The following ABI2 variants were observed in gnomAD, a reference collection of about 807,000 sequenced individuals.
ABI2 encodes the protein abelson interactor 2.
Under a neutral mutation model 59.2 loss-of-function variants are expected in ABI2, and 25 were observed. The ratio of observed to expected loss-of-function variants is 0.42; its 90% CI spans 0.31 to 0.59. ABI2 has a LOEUF of 0.59. Ranked by LOEUF, ABI2 falls within the 20% of genes least tolerant of loss-of-function variation. The pLI, the probability that ABI2 is intolerant of heterozygous loss-of-function variation, is 0.14. For missense variants in ABI2, 545 were observed against 681.8 expected, an observed-to-expected ratio of 0.80 and a Z score of 2.23; for synonymous variants, 213 against 235.5, an observed-to-expected ratio of 0.90 and a Z score of 0.87.
intron 1 of ABI2, among the ~76,000 whole-genome samples, chr2:203,359,007 G>A (rs899334764): frequency 2.6e-5 from 4 of 152,100 alleles, no homozygotes; most frequent in Non-Finnish European, 5.9e-5. Flanking sequence ...GTGAGACTCT[G>A]TCTCAAAAAA....
intron 11 of ABI2, 98 bp downstream of exon 11, chr2:203,417,179 G>A: frequency 1.7e-5 from 19 of 1,108,554 alleles, no homozygotes; most frequent in Non-Finnish European, 2.3e-5. Context: ...ACTAAGTGAA[G>A]TTCTATTTAT....
At chr2:203,345,227 A>AAT (rs1445114662) in intron 1 of ABI2, among the ~76,000 whole-genome samples, 1 of 152,172 alleles carries the variant, frequency 6.6e-6, no homozygotes, top group Admixed American at 6.5e-5. Flanking sequence ...GGGAGGAACA[A>AAT]ATAACTCCAG....
chr2:203,341,201 C>A lies in ABI2; in HGVS notation c.117+12570C>A, dbSNP rs183796245. 1.6e-3 allele frequency among the ~76,000 whole-genome samples: 251 copies of A among 152,174 alleles called. 2 individuals are homozygous for A. Among genetic ancestry groups the A allele is most frequent in the Non-Finnish European group, 1.3e-3 (88 of 68,006 alleles). ...CTTTGCTTATACTTATCCTTCCATG[C>A]TTTTTTTACGCCTACATATTTTCTC... On this transcript the variant is annotated intron_variant, in intron 1 of 11. Coordinates refer to ENST00000261018, the MANE Select transcript of ABI2 (RefSeq NM_001375670.1).
intron 9 of ABI2, among the ~76,000 whole-genome samples, chr2:203,409,123 C>T (rs1237992227): frequency 6.6e-6 from 1 of 152,004 alleles, no homozygotes; most frequent in African/African-American, 2.4e-5. Flanking sequence ...CAGGCGTGAG[C>T]CACCGCGCCC....
At chr2:203,334,729 C>T (rs1192771764) in intron 1 of ABI2, among the ~76,000 whole-genome samples, 3 of 151,040 alleles carry the variant, frequency 2.0e-5, no homozygotes, top group African/African-American at 4.9e-5. Context: ...GGTGCGATCT[C>T]AGCTTACTGC....
chr2:203,328,869 G>C, intron 1 of ABI2: 1 of 320,108 alleles, frequency 3.1e-6, no homozygotes, highest in Non-Finnish European at 5.7e-6. Flanking sequence ...CGTGTGTCGC[G>C]TCCCGCCTCC....
At position 203,364,051 on chromosome 2, in the gene ABI2, A is replaced by C. The variant is rs746927743; in HGVS notation, c.118-2826A>C. Among the ~76,000 whole-genome samples the C allele has an allele frequency of 2.0e-5, 3 of 150,780 alleles. No homozygotes were observed. In the South Asian group the frequency reaches 6.3e-4, roughly 31 times the overall value. ...AGTGCTGGAATTATAGGCGTGAGCC[A>C]TGGTACCTGGCCTGTACCATATTTT... On this transcript the variant is annotated intron_variant, in intron 1 of 11. Coordinates refer to ENST00000261018, the MANE Select transcript of ABI2 (RefSeq NM_001375670.1).
At chr2:203,417,814 A>G (rs2097965489) in intron 11 of ABI2, among the ~76,000 whole-genome samples, 2 of 152,210 alleles carry the variant, frequency 1.3e-5, no homozygotes, top group South Asian at 2.1e-4. Flanking sequence ...TTAAAACCCC[A>G]CAAAATAATG....
intron 1 of ABI2, among the ~76,000 whole-genome samples, chr2:203,329,426 G>A (rs904408336): frequency 2.0e-5 from 3 of 150,868 alleles, no homozygotes; most frequent in Non-Finnish European, 3.0e-5. Context: ...ATGGAGGCGG[G>A]GGATACCGGA....
intron 5 of ABI2, among the ~76,000 whole-genome samples, chr2:203,392,407 T>C (rs1393358508): frequency 2.0e-5 from 3 of 148,542 alleles, no homozygotes; most frequent in Non-Finnish European, 4.4e-5. Flanking sequence ...TAGGACCAAA[T>C]GATTTGAGAT....
At chr2:203,343,789 C>A (rs2081487922) in intron 1 of ABI2, among the ~76,000 whole-genome samples, 1 of 152,138 alleles carries the variant, frequency 6.6e-6, no homozygotes, top group South Asian at 2.1e-4. Context: ...TAATCAGGTC[C>A]CCTTTCTCCC....
intron 1 of ABI2, among the ~76,000 whole-genome samples, chr2:203,353,998 T>A (rs1463916437): frequency 2.0e-5 from 3 of 152,228 alleles, no homozygotes; most frequent in Non-Finnish European, 4.4e-5. Flanking sequence ...ATTATATCTA[T>A]ATAAGTAATC....
intron 2 of ABI2, 91 bp downstream of exon 2, chr2:203,367,135 G>A (rs2094524266): frequency 7.1e-7 from 1 of 1,408,758 alleles, no homozygotes; most frequent in African/African-American, 1.4e-5. Context: ...TATTATGTAA[G>A]TTAACTCACA....
Position 203,427,293 on chromosome 2 carries a change from G to T in ABI2, c.1570G>T (p.Gly524Ter). The part of the protein sequence containing the change: ...DDGWYEGVMN[G>*]VTGLFPGNYV... ...TGGTTGGTATGAGGGAGTTATGAAT[G>T]GAGTGACTGGGCTTTTTCCTGGGAA... The change falls in exon 12 of 12, where the codon GGA becomes TGA. Residue 524 changes from glycine (G) to a stop codon, truncating the protein, a stop_gained. Coordinates refer to ENST00000261018, the MANE Select transcript of ABI2 (RefSeq NM_001375670.1). LOFTEE classifies it high-confidence loss of function. 6.2e-7 allele frequency: 1 copy of T among 1,614,034 alleles called. No individual in the cohort carries two copies. Among genetic ancestry groups the T allele is most frequent in the Non-Finnish European group, 8.5e-7 (1 of 1,179,988 alleles).
At chr2:203,336,080 A>G (rs1443690970) in intron 1 of ABI2, among the ~76,000 whole-genome samples, 4 of 152,222 alleles carry the variant, frequency 2.6e-5, no homozygotes, top group Non-Finnish European at 5.9e-5. Flanking sequence ...TCTTGGTACT[A>G]GAAGTCCTAA....
intron 9 of ABI2, among the ~76,000 whole-genome samples, chr2:203,410,949 ATTATATAT>A (rs1559363498): frequency 6.6e-6 from 1 of 150,946 alleles, no homozygotes; most frequent in Non-Finnish European, 1.5e-5. Context: ...AAAAAGATCA[ATTATATAT>A]AATATATATA....
At chr2:203,419,567 C>T (rs1193841448) in intron 11 of ABI2, among the ~76,000 whole-genome samples, 9 of 147,508 alleles carry the variant, frequency 6.1e-5, no homozygotes, top group Admixed American at 1.4e-4. Flanking sequence ...TTGGTAGAGA[C>T]GGGGTTTCAC....
chr2:203,347,247 C>CT (rs2084253712), intron 1 of ABI2, among the ~76,000 whole-genome samples: 1 of 152,158 alleles, frequency 6.6e-6, no homozygotes, highest in South Asian at 2.1e-4. Flanking sequence ...CATTTTTGCT[C>CT]TATTTTTCCA....
chr2:203,342,097 T>G (rs2080281968), intron 1 of ABI2: 1 of 405,488 alleles, frequency 2.5e-6, no homozygotes, highest in South Asian at 1.8e-5. Context: ...ATGTCCTCAT[T>G]TCTTAGTGTT....
Sources: allele counts gnomAD v4.1 joint callset (sites outside exome capture counted in the v4.1 genomes callset), GRCh38; gene constraint gnomAD v4.1.1; transcripts MANE v1.5; gene names NCBI Gene and HGNC (gene_info 2026-07-23, HGNC 2026-07-21).